PRKCZ: variants seen among roughly 807,000 people sequenced by gnomAD.
The protein encoded by PRKCZ is protein kinase C zeta.
PRKCZ carries 33 observed loss-of-function variants against 79.5 expected under a neutral mutation model. The observed-to-expected ratio is 0.41, with a 90% CI of 0.31 to 0.55. The LOEUF (loss-of-function observed/expected upper bound fraction) is 0.55, where lower values mean the gene tolerates loss of function less well. PRKCZ is among the 20% of genes least tolerant of loss of function. PRKCZ has a pLI of 0.19. For synonymous variants in PRKCZ, 342 were observed against 320.9 expected (o/e 1.07, Z -0.70); for missense variants, 578 against 813.5 (o/e 0.71, Z 3.52).
intron 10 of PRKCZ, among the ~76,000 whole-genome samples, chr1:2,161,087 C>T (rs572773165): frequency 2.0e-5 from 3 of 152,294 alleles, no homozygotes; most frequent in East Asian, 1.9e-4. Context: ...AAAACCCATC[C>T]GTGTGCTGGA....
Position 2,056,574 on chromosome 1 carries a change from G to T in PRKCZ, c.283+1G>T. ...AGGGATGAAGGCCTCATCATTCATGGTTAGTGGCGGGGTCTGTGGTGGGCA... is the reference window on the plus strand; with the variant it reads ...AGGGATGAAGGCCTCATCATTCATGTTTAGTGGCGGGGTCTGTGGTGGGCA... On this transcript the variant is annotated splice_donor_variant, in intron 3 of 17. Coordinates refer to ENST00000378567, the MANE Select transcript of PRKCZ (RefSeq NM_002744.6). LOFTEE classifies it high-confidence loss of function. The T allele has an allele frequency of 6.2e-7, 1 of 1,612,986 alleles. No individual in the cohort carries two copies. The highest frequency in any genetic ancestry group is 8.5e-7 in the Non-Finnish European group (1 of 1,179,498).
In PRKCZ at chr1:2,172,317, G is replaced by C. The variant is rs1214266031; in HGVS notation, c.1214G>C (p.Gly405Ala). 1.9e-6 allele frequency: 3 copies of C among 1,613,644 alleles called. No individual in the cohort carries two copies. The highest frequency in any genetic ancestry group is 2.2e-5 in the South Asian group (2 of 91,082). ...CCCCCACAGGAAGGCCTGGGCCCTG[G>C]TGACACAACGAGCACTTTCTGCGGA... Reference protein sequence around the residue: ...YGMCKEGLGPGDTTSTFCGTP... With the variant: ...YGMCKEGLGPADTTSTFCGTP... Residue 405 changes from glycine to alanine, a missense_variant, in exon 13 of 18, where the codon GGT becomes GCT. Coordinates refer to ENST00000378567, the MANE Select transcript of PRKCZ (RefSeq NM_002744.6). This position sits in a 1 kb window ranked among gnomAD's most constrained non-coding sequence, Gnocchi z 7.8.
intron 4 of PRKCZ, among the ~76,000 whole-genome samples, chr1:2,090,994 C>T (rs1232275087): frequency 1.3e-5 from 2 of 152,198 alleles, no homozygotes; most frequent in Non-Finnish European, 2.9e-5. Context: ...TATAGATGTG[C>T]TTTAATAAAG....
At chr1:2,160,358 C>A (rs955463990) in intron 10 of PRKCZ, among the ~76,000 whole-genome samples, 9 of 152,034 alleles carry the variant, frequency 5.9e-5, no homozygotes, top group African/African-American at 2.2e-4. Context: ...GAACTGGTCA[C>A]CAGCGTCAGG....
chr1:2,158,484 C>T (rs1251273559), intron 10 of PRKCZ, among the ~76,000 whole-genome samples: 3 of 152,262 alleles, frequency 2.0e-5, no homozygotes. Flanking sequence ...CCCCTGCTTC[C>T]CGGAGTGAGT....
At chr1:2,050,253 G>A (rs1156940087), upstream of PRKCZ, among the ~76,000 whole-genome samples, 1 of 151,766 alleles carries the variant, frequency 6.6e-6, no homozygotes, top group East Asian at 1.9e-4. Context: ...CCGACAGGTA[G>A]CCCCGCCCGC....
At chr1:2,175,770 C>T (rs896081662) in intron 16 of PRKCZ, among the ~76,000 whole-genome samples, 3 of 152,102 alleles carry the variant, frequency 2.0e-5, no homozygotes, top group East Asian at 1.9e-4. Context: ...AGACACATTT[C>T]GTCCTCCGGA....
intron 4 of PRKCZ, among the ~76,000 whole-genome samples, chr1:2,132,072 A>G (rs556803762): frequency 8.5e-5 from 13 of 152,066 alleles, no homozygotes; most frequent in Non-Finnish European, 1.5e-4. Flanking sequence ...CGGCCTCCCA[A>G]AGTGCTGGGA....
rs1674131928 is a variant in PRKCZ, at chr1:2,127,391, A to G, written c.335-7871A>G. 6.6e-6 allele frequency among the ~76,000 whole-genome samples: 1 copy of G among 151,494 alleles called. No homozygotes were observed. Among genetic ancestry groups the G allele is most frequent in the Non-Finnish European group, 1.5e-5 (1 of 67,916 alleles). ...CCTCAGATGGAGGGGCTGCACCTCC[A>G]CTGCCCCCCCCACCGCCGCCCCTGC... On this transcript the variant is annotated intron_variant, in intron 4 of 17. Transcript: ENST00000378567. The surrounding 1 kb of genome is among the most constrained non-coding windows in gnomAD (Gnocchi z 5.1).
intron 5 of PRKCZ, among the ~76,000 whole-genome samples, chr1:2,137,437 C>G (rs1044067262): frequency 3.9e-5 from 6 of 152,194 alleles, no homozygotes; most frequent in African/African-American, 1.2e-4. Context: ...TCTAGGCATC[C>G]TTCAACCCAG....
intron 4 of PRKCZ, among the ~76,000 whole-genome samples, chr1:2,062,938 C>T (rs1660822163): frequency 1.3e-5 from 2 of 152,198 alleles, no homozygotes; most frequent in African/African-American, 2.4e-5. Flanking sequence ...CCCATTCTGC[C>T]TCCCCCAGCC....
At chr1:2,086,486 C>T (rs915512196) in intron 4 of PRKCZ, among the ~76,000 whole-genome samples, 2 of 152,206 alleles carry the variant, frequency 1.3e-5, no homozygotes, top group Non-Finnish European at 2.9e-5. Flanking sequence ...TGGCGAGCGG[C>T]TCCCCCCATG....
intron 4 of PRKCZ, among the ~76,000 whole-genome samples, chr1:2,059,865 G>T (rs1484376037): frequency 6.6e-6 from 1 of 152,158 alleles, no homozygotes; most frequent in Admixed American, 6.5e-5. Flanking sequence ...GGAGGGAGGG[G>T]CCAGGTGGGA....
rs1673758691 is a variant in PRKCZ, at chr1:2,125,807, C to T, written c.335-9455C>T. On this transcript the variant is annotated intron_variant, in intron 4 of 17. Transcript: ENST00000378567. The surrounding 1 kb of genome is among the most constrained non-coding windows in gnomAD (Gnocchi z 4.2). ...GCAGAGGCTGTCCCTTGGGGGCCCA[C>T]GCATCCTAGCCACGGCCTCCTCACG... Among the ~76,000 whole-genome samples the T allele has an allele frequency of 6.6e-6, 1 of 152,256 alleles. No individual in the cohort carries two copies.
At chr1:2,098,020 G>A (rs2102555068) in intron 4 of PRKCZ, among the ~76,000 whole-genome samples, 1 of 152,256 alleles carries the variant, frequency 6.6e-6, no homozygotes, top group African/African-American at 2.4e-5. Context: ...GAGTGGCGGG[G>A]TGAATAGTTT....
At chr1:2,061,608 A>G (rs962847769) in intron 4 of PRKCZ, among the ~76,000 whole-genome samples, 11 of 152,010 alleles carry the variant, frequency 7.2e-5, no homozygotes, top group African/African-American at 2.7e-4. Context: ...CTGGTTGGGG[A>G]CATTCCGCCA....
At chr1:2,155,463 GTGA>G (rs1444952584) in intron 9 of PRKCZ, among the ~76,000 whole-genome samples, 28 of 152,044 alleles carry the variant, frequency 1.8e-4, no homozygotes, top group Admixed American at 7.9e-4. Flanking sequence ...GGTGGTGATG[GTGA>G]TGATGACGGT....
At chr1:2,131,629 C>T (rs534084882) in intron 4 of PRKCZ, among the ~76,000 whole-genome samples, 13 of 152,284 alleles carry the variant, frequency 8.5e-5, no homozygotes, top group African/African-American at 2.9e-4. Flanking sequence ...CAATATAAAG[C>T]GTGGTAATCG....
chr1:2,138,139 C>T (rs1676601234), intron 5 of PRKCZ, among the ~76,000 whole-genome samples: 1 of 152,202 alleles, frequency 6.6e-6, no homozygotes, highest in South Asian at 2.1e-4. Flanking sequence ...TTAAAAGGGG[C>T]ATTTCAGGAG....
Sources: allele counts gnomAD v4.1 joint callset (sites outside exome capture counted in the v4.1 genomes callset), GRCh38; gene constraint gnomAD v4.1.1; non-coding constraint Gnocchi (gnomAD v3.1); transcripts MANE v1.5; gene names NCBI Gene and HGNC (gene_info 2026-07-23, HGNC 2026-07-21).